The following GLI3 variants were observed in gnomAD, a reference collection of about 807,000 sequenced individuals.
GLI3 encodes transcription activator GLI3.
In GLI3, 20 loss-of-function variants were observed where a neutral mutation model predicts 100.8. The ratio of observed to expected loss-of-function variants is 0.20; its 90% CI spans 0.14 to 0.29. The LOEUF (loss-of-function observed/expected upper bound fraction) is 0.29. GLI3 is among the 10% of genes least tolerant of loss of function. The probability of loss-of-function intolerance (pLI) is 1.00; values close to 1 mark genes in which losing one functional copy is unlikely to be tolerated. For synonymous variants in GLI3, 938 were observed against 860.5 expected, an observed-to-expected ratio of 1.09 and a Z score of -1.58; for missense variants, 2,040 against 2,128.5, an observed-to-expected ratio of 0.96 and a Z score of 0.82.
At chr7:42,237,865 C>T (rs1436559654), upstream of GLI3, 1 of 150,482 alleles carries the variant, frequency 6.6e-6, no homozygotes, top group Admixed American at 6.6e-5. Flanking sequence ...GGAGTGGGTC[C>T]CAGCTGCGAG....
At chr7:42,113,553 A>G (rs1192180636) in intron 3 of GLI3, 8 of 1,179,966 alleles carry the variant, frequency 6.8e-6, no homozygotes, top group South Asian at 1.2e-5. Flanking sequence ...GAGGGGAATA[A>G]CCCTACAGAA....
intron 3 of GLI3, among the ~76,000 whole-genome samples, chr7:42,112,340 C>G (rs1280023376): frequency 6.6e-6 from 1 of 151,934 alleles, no homozygotes; most frequent in Non-Finnish European, 1.5e-5. Flanking sequence ...TATATGACCA[C>G]AGAATATAGT....
intron 10 of GLI3, among the ~76,000 whole-genome samples, chr7:41,981,179 G>A (rs1787656107): frequency 6.6e-6 from 1 of 152,186 alleles, no homozygotes; most frequent in Admixed American, 6.5e-5. Context: ...ACAGCGTGAG[G>A]GCCACGCATG....
At chr7:42,065,377 G>A (rs181284800) in intron 4 of GLI3, among the ~76,000 whole-genome samples, 17 of 151,888 alleles carry the variant, frequency 1.1e-4, no homozygotes, top group Admixed American at 3.9e-4. Flanking sequence ...ACAACTGAAT[G>A]TACCCTTCAT....
chr7:42,208,860 T>C (rs141429103), intron 2 of GLI3, among the ~76,000 whole-genome samples: 46 of 152,248 alleles, frequency 3.0e-4, no homozygotes, highest in African/African-American at 1.1e-3. Flanking sequence ...AAGATGAGTA[T>C]AGGAAGCCTG....
At chr7:42,201,865 C>T (rs577747175) in intron 2 of GLI3, among the ~76,000 whole-genome samples, 113 of 152,206 alleles carry the variant, frequency 7.4e-4, no homozygotes, top group Middle Eastern at 3.4e-3. Context: ...GGGCAGATCA[C>T]AAGGTCAGGA....
chr7:42,002,688 A>C (rs765279114), intron 10 of GLI3, among the ~76,000 whole-genome samples: 34 of 152,204 alleles, frequency 2.2e-4, no homozygotes, highest in Non-Finnish European at 4.4e-5. Flanking sequence ...TAAAATTATA[A>C]AATTGTACCA....
chr7:42,229,739 T>C (rs1315700108), intron 1 of GLI3, among the ~76,000 whole-genome samples: 1 of 152,170 alleles, frequency 6.6e-6, no homozygotes, highest in Admixed American at 6.5e-5. Flanking sequence ...TAATAACCCA[T>C]TTCTCAAAAA....
chr7:42,053,918 G>A (rs1024354661), intron 4 of GLI3, among the ~76,000 whole-genome samples: 1 of 152,184 alleles, frequency 6.6e-6, no homozygotes, highest in Non-Finnish European at 1.5e-5. Context: ...GTAGAGTGTT[G>A]TTGGGACTAC....
chr7:42,089,149 T>C (rs1785164940), intron 3 of GLI3, among the ~76,000 whole-genome samples: 1 of 152,196 alleles, frequency 6.6e-6, no homozygotes, highest in Non-Finnish European at 1.5e-5. Context: ...ATCTATACCT[T>C]GTACGCCTAG....
chr7:42,056,196 CTAA>C (rs1784457127), intron 4 of GLI3, among the ~76,000 whole-genome samples: 1 of 152,182 alleles, frequency 6.6e-6, no homozygotes. Context: ...TGAAAATGGA[CTAA>C]TATAACATTT....
chr7:42,196,788 G>C (rs1465421622), intron 2 of GLI3, among the ~76,000 whole-genome samples: 9 of 151,964 alleles, frequency 5.9e-5, no homozygotes, highest in Non-Finnish European at 1.3e-4. Context: ...TAATCAAGAG[G>C]GAAAGAAAAA....
intron 3 of GLI3, among the ~76,000 whole-genome samples, chr7:42,107,761 T>G (rs1785609883): frequency 1.3e-5 from 2 of 152,306 alleles, no homozygotes; most frequent in South Asian, 4.1e-4. Flanking sequence ...ACTTCACAAA[T>G]GCACAGCAAT....
chr7:42,189,575 G>A (rs1787785011), intron 2 of GLI3, among the ~76,000 whole-genome samples: 1 of 152,140 alleles, frequency 6.6e-6, no homozygotes, highest in Non-Finnish European at 1.5e-5. Flanking sequence ...AAATATGGAA[G>A]GTTCAGATAC....
At chr7:42,080,298 A>G (rs934311096) in intron 3 of GLI3, among the ~76,000 whole-genome samples, 48 of 152,352 alleles carry the variant, frequency 3.2e-4, no homozygotes, top group Middle Eastern at 3.4e-3. Flanking sequence ...TTCTGACTGA[A>G]AATATGTGAT....
chr7:41,987,746 T>C (rs547718367), intron 10 of GLI3, among the ~76,000 whole-genome samples: 1 of 152,316 alleles, frequency 6.6e-6, no homozygotes, highest in African/African-American at 2.4e-5. Context: ...TATTCTAAAA[T>C]TTACTAAAGA....
chr7:42,215,636 T>A (rs971191813), intron 2 of GLI3, among the ~76,000 whole-genome samples: 11 of 152,200 alleles, frequency 7.2e-5, no homozygotes, highest in African/African-American at 2.4e-4. Context: ...CAAAACATCA[T>A]GCTGTGACTT....
chr7:42,245,705 A>G (rs1338600004), intron 1 of GLI3, among the ~76,000 whole-genome samples: 2 of 151,992 alleles, frequency 1.3e-5, no homozygotes, highest in Non-Finnish European at 2.9e-5. Flanking sequence ...AAAACAAAAC[A>G]AAACAAAAAG....
At chr7:42,241,012 A>G (rs1046472466), upstream of GLI3, among the ~76,000 whole-genome samples, 9 of 152,212 alleles carry the variant, frequency 5.9e-5, no homozygotes, top group African/African-American at 1.9e-4. Flanking sequence ...GTCCATGTGT[A>G]CTAATAAACT....
Sources: gnomAD v4.1 joint callset for allele counts (sites outside exome capture counted in the v4.1 genomes callset) on GRCh38, gnomAD v4.1.1 for gene constraint, MANE v1.5 for transcripts, NCBI Gene and HGNC (gene_info 2026-07-23, HGNC 2026-07-21) for gene names.